PROCR: variants seen among roughly 807,000 people sequenced by gnomAD.
PROCR encodes the protein endothelial protein C receptor.
A neutral mutation model predicts 24.2 loss-of-function variants in PROCR; 22 were observed. The ratio of observed to expected loss-of-function variants is 0.91; its 90% CI spans 0.65 to 1.30. The LOEUF (loss-of-function observed/expected upper bound fraction) is 1.30, where lower values mean the gene tolerates loss of function less well. PROCR is among the 50% of genes most tolerant of loss of function. The pLI is 0.00. For missense variants in PROCR, 288 were observed against 307.7 expected, an observed-to-expected ratio of 0.94 and a Z score of 0.48; for synonymous variants, 137 against 139.2, an observed-to-expected ratio of 0.98 and a Z score of 0.11.
At chr20:35,187,584 C>A (rs959436782) in intron 1 of PROCR, among the ~76,000 whole-genome samples, 1 of 152,124 alleles carries the variant, frequency 6.6e-6, no homozygotes, top group African/African-American at 2.4e-5. Flanking sequence ...TTGCCCATGT[C>A]CAAAAGCAGG....
intron 1 of PROCR, among the ~76,000 whole-genome samples, chr20:35,205,752 A>T (rs867572388): frequency 1.9e-5 from 2 of 102,668 alleles, no homozygotes; most frequent in Non-Finnish European, 3.7e-5. Context: ...ACTCTGTCTA[A>T]ATATATATAT....
downstream of PROCR, among the ~76,000 whole-genome samples, chr20:35,180,644 C>T (rs2086069690): frequency 6.6e-6 from 1 of 152,152 alleles, no homozygotes; most frequent in Non-Finnish European, 1.5e-5. Flanking sequence ...AACTCTGTCT[C>T]AGCCTCTGCT....
At chr20:35,181,555 G>A (rs957403549), downstream of PROCR, among the ~76,000 whole-genome samples, 3 of 152,210 alleles carry the variant, frequency 2.0e-5, no homozygotes, top group African/African-American at 7.2e-5. Context: ...TTGCCGGCGT[G>A]AGCCACTGTG....
intron 1 of PROCR, among the ~76,000 whole-genome samples, chr20:35,214,992 T>C (rs1242364460): frequency 6.7e-6 from 1 of 149,098 alleles, no homozygotes; most frequent in Non-Finnish European, 1.5e-5. Flanking sequence ...CTGCAACCTC[T>C]GTCTCCTGGG....
At chr20:35,185,183 C>T (rs767703101) in intron 1 of PROCR, among the ~76,000 whole-genome samples, 1 of 151,940 alleles carries the variant, frequency 6.6e-6, no homozygotes, top group Non-Finnish European at 1.5e-5. Context: ...AACCACAAAG[C>T]GATACCACCG....
chr20:35,206,886 G>A (rs548142509), intron 1 of PROCR, among the ~76,000 whole-genome samples: 6 of 152,252 alleles, frequency 3.9e-5, no homozygotes, highest in African/African-American at 9.6e-5. Flanking sequence ...AAACCTGTAC[G>A]TGAATGTTTA....
chr20:35,173,423 CTTTTTT>C (rs58785250), intron 1 of PROCR, among the ~76,000 whole-genome samples: 9 of 88,154 alleles, frequency 1.0e-4, no homozygotes, highest in Non-Finnish European at 1.4e-4. Context: ...TTTCTTTTTT[CTTTTTT>C]TTTTTTTTTT....
Position 35,172,073 on chromosome 20 carries a change from C to G in PROCR, c.-82C>G. On this transcript the variant is annotated 5_prime_UTR_variant, in exon 1 of 4. Transcript: ENST00000216968. ...CTCCGCCCCTCCCAGACGGTCCTCA[C>G]TTCTCTTTTCCCTAGACTGCAGCCA... The G allele has an allele frequency of 7.2e-7, 1 of 1,380,398 alleles. No individual in the cohort carries two copies. Among genetic ancestry groups the G allele is most frequent in the Non-Finnish European group, 1.0e-6 (1 of 968,270 alleles). The allele number at this position is 1,380,398 out of a possible 1,614,324, so 85.5% of individuals were successfully genotyped here.
At chr20:35,173,788 C>G (rs2085976579) in intron 1 of PROCR, among the ~76,000 whole-genome samples, 1 of 152,124 alleles carries the variant, frequency 6.6e-6, no homozygotes, top group Admixed American at 6.6e-5. Context: ...GGAGGCAGAG[C>G]AATCCTGACA....
chr20:35,179,002 C>T (rs1411537171), downstream of PROCR, among the ~76,000 whole-genome samples: 55 of 150,140 alleles, frequency 3.7e-4, no homozygotes, highest in African/African-American at 1.3e-3. Flanking sequence ...GAGGCCGAGG[C>T]GGGCGGATCA....
rs185449305 is a variant in PROCR at position 35,214,913 on chromosome 20, T to C, written c.95-980T>C. Among the ~76,000 whole-genome samples, 1,037 of 135,414 alleles carry C rather than the reference T, an allele frequency of 7.7e-3. 6 individuals are homozygous for C. Among genetic ancestry groups the C allele is most frequent in the East Asian group, 0.014 (68 of 4,992 alleles). The allele number at this position is 135,414 out of a possible 152,430, so 88.8% of individuals were successfully genotyped here. On this transcript the variant is annotated intron_variant, in intron 1 of 1. Coordinates refer to the PROCR transcript ENST00000634509. Reference sequence around the variant, plus strand: ...TACCTCCCATTTTCTTTTTCTTTTTTTTTTTTTTTTTGAGATGGAGTCTCA... The same window carrying C: ...TACCTCCCATTTTCTTTTTCTTTTTCTTTTTTTTTTTGAGATGGAGTCTCA...
chr20:35,211,256 A>G (rs184233903), intron 1 of PROCR, among the ~76,000 whole-genome samples: 1 of 152,236 alleles, frequency 6.6e-6, no homozygotes, highest in Non-Finnish European at 1.5e-5. Flanking sequence ...GGGTTCCTGG[A>G]ACCTGGCACT....
At chr20:35,195,645 A>T (rs1451710450) in intron 1 of PROCR, among the ~76,000 whole-genome samples, 1 of 151,780 alleles carries the variant, frequency 6.6e-6, no homozygotes, top group Non-Finnish European at 1.5e-5. Context: ...ACATCATGAA[A>T]CCCCATCTCT....
intron 1 of PROCR, among the ~76,000 whole-genome samples, chr20:35,192,874 C>A (rs1256022256): frequency 1.3e-5 from 2 of 151,988 alleles, no homozygotes; most frequent in Non-Finnish European, 2.9e-5. Context: ...CTAAAAAGTA[C>A]CCAAACACCA....
chr20:35,182,882 G>A (rs1367766604), intron 1 of PROCR, among the ~76,000 whole-genome samples: 4 of 151,324 alleles, frequency 2.6e-5, no homozygotes, highest in Non-Finnish European at 4.4e-5. Context: ...GCTAAGGAAG[G>A]AGAGTAGCTT....
chr20:35,178,464 G>T (rs1249312846), downstream of PROCR, among the ~76,000 whole-genome samples: 3 of 108,308 alleles, frequency 2.8e-5, no homozygotes, highest in Admixed American at 1.9e-4. Context: ...TCAGACTTAA[G>T]TTTTACTTCT....
At chr20:35,204,771 C>A (rs2060331885) in intron 1 of PROCR, among the ~76,000 whole-genome samples, 2 of 152,088 alleles carry the variant, frequency 1.3e-5, no homozygotes, top group African/African-American at 4.8e-5. Context: ...AAACTTAGCT[C>A]ATTTTATGAA....
In PROCR at chr20:35,174,795, C is replaced by T. The variant is rs746777605; in HGVS notation, c.164C>T (p.Thr55Met). Residue 55 changes from threonine (T) to methionine (M), a missense_variant, in exon 2 of 4, where the codon ACG becomes ATG. Transcript: ENST00000216968. Reference protein sequence around the residue: ...QGNASLGGHLTHVLEGPDTNT... With the variant: ...QGNASLGGHLMHVLEGPDTNT... The stretch of plus-strand genomic sequence containing the variant: ...AACGCGTCGCTGGGGGGACACCTAA[C>T]GCACGTGCTGGAAGGCCCAGACACC... 4.4e-5 allele frequency: 71 copies of T among 1,613,998 alleles called. No homozygotes were observed. Among genetic ancestry groups the T allele is most frequent in the Non-Finnish European group, 5.6e-5 (66 of 1,180,008 alleles).
At chr20:35,206,062 A>G (rs1302080853) in intron 1 of PROCR, among the ~76,000 whole-genome samples, 3 of 151,356 alleles carry the variant, frequency 2.0e-5, no homozygotes, top group African/African-American at 7.3e-5. Context: ...TGGTAGAGAC[A>G]GGATTTTTGT....
Sources: allele counts gnomAD v4.1 joint callset (sites outside exome capture counted in the v4.1 genomes callset), GRCh38; gene constraint gnomAD v4.1.1; transcripts MANE v1.5; gene names NCBI Gene and HGNC (gene_info 2026-07-23, HGNC 2026-07-21).